GLOD4: variants seen among roughly 807,000 people sequenced by gnomAD.
The protein encoded by GLOD4 is glyoxalase domain-containing protein 4.
In GLOD4, 44 loss-of-function variants were observed where a neutral mutation model predicts 39.1. The observed-to-expected ratio is 1.13, with a 90% CI of 0.88 to 1.45. The LOEUF is 1.45. GLOD4 is among the 40% of genes most tolerant of loss of function. The pLI is 0.00. For missense variants in GLOD4, 405 were observed against 366.4 expected (o/e 1.11, Z -0.86); for synonymous variants, 145 against 135.0 (o/e 1.07, Z -0.52).
intron 5 of GLOD4, 112 bp downstream of exon 5, chr17:771,213 T>G (rs1907895337): frequency 3.0e-6 from 2 of 656,614 alleles, no homozygotes; most frequent in Non-Finnish European, 2.6e-6. Context: ...GTGAAGAAAC[T>G]ATGGGAACAA....
At chr17:777,044 C>A in intron 2 of GLOD4, 56 bp from the exon 3 acceptor site, 1 of 1,578,788 alleles carries the variant, frequency 6.3e-7, no homozygotes, top group Non-Finnish European at 8.7e-7. Flanking sequence ...CCTCAGGCCA[C>A]CCCCAGAGAA....
chr17:770,076 C>T lies in GLOD4; in HGVS notation c.712G>A (p.Ala238Thr). Reference protein sequence around the residue: ...PLVSLDTPGKATVQVVILADP... With the variant: ...PLVSLDTPGKTTVQVVILADP... ...GCCAGAATGACCACCTGTACTGTTG[C>T]TTTCCCTGGGGTGTCCAGGCTCACC... Residue 238 changes from alanine to threonine, a missense_variant, in exon 7 of 9, where the codon GCA becomes ACA. Physicochemically the swap from Ala to Thr is moderately conservative, Grantham distance 58. Transcript: ENST00000301329. 6.2e-7 allele frequency: 1 copy of T among 1,612,002 alleles called. No individual in the cohort carries two copies. Among genetic ancestry groups the T allele is most frequent in the Non-Finnish European group, 8.5e-7 (1 of 1,178,108 alleles).
intron 1 of GLOD4, among the ~76,000 whole-genome samples, chr17:779,475 T>C (rs1909507743): frequency 6.8e-6 from 1 of 147,436 alleles, no homozygotes; most frequent in Non-Finnish European, 1.5e-5. Flanking sequence ...ACTAAAAATA[T>C]AAAAAATACA....
Position 760,158 on chromosome 17 carries a change from G to A in GLOD4, c.*15C>T. ...GGCAGGAATCACAGAGGCTTGCTCT[G>A]CATCATGTCTTCCGTTAACCTGAAG... On this transcript the variant is annotated 3_prime_UTR_variant, in exon 9 of 9. Coordinates refer to ENST00000301329, the MANE Select transcript of GLOD4 (RefSeq NM_016080.4). 1 of 1,514,188 alleles carries A rather than the reference G, an allele frequency of 6.6e-7. No homozygotes were observed. Among genetic ancestry groups the A allele is most frequent in the Non-Finnish European group, 9.2e-7 (1 of 1,088,846 alleles). 93.8% of individuals were successfully genotyped at this position (1,514,188 alleles called of 1,614,324 possible). A position where few individuals can be genotyped will look rare whatever the true frequency, so the allele number is the denominator to read the frequency against.
At chr17:782,633 C>T, upstream of GLOD4, 2 of 1,613,774 alleles carry the variant, frequency 1.2e-6, no homozygotes, top group Non-Finnish European at 1.7e-6. Context: ...GCGCTCCCAG[C>T]ACCTGGGAAG....
rs150838091 is a variant in GLOD4 at position 782,219 on chromosome 17, C to G, written c.37G>C (p.Val13Leu). ...ARRALHFVFK[V>L]GNRFQTARFY... is the part of the protein sequence containing the mutation. ...CGCGCCGTCTGGAAGCGGTTTCCCA[C>G]TTTGAATACGAAGTGCAGAGCTCTG... The change falls in exon 1 of 9, where the codon GTG (valine) becomes CTG (leucine). Residue 13 changes from valine (V) to leucine (L), a missense_variant. Transcript: ENST00000301329. 2.7e-5 allele frequency: 44 copies of G among 1,613,478 alleles called. No homozygotes were observed. In the African/African-American group the frequency reaches 5.2e-4, roughly 19 times the overall value.
At position 760,093 on chromosome 17, in the gene GLOD4, C is replaced by G. The variant is rs1004307021; in HGVS notation, c.*80G>C. 2 of 819,160 alleles carry G rather than the reference C, an allele frequency of 2.4e-6. No homozygotes were observed. The highest frequency in any genetic ancestry group is 4.3e-6 in the Non-Finnish European group (2 of 461,302). The allele number at this position is 819,160 out of a possible 1,614,324, so 50.7% of individuals were successfully genotyped here. On this transcript the variant is annotated 3_prime_UTR_variant, in exon 9 of 9. Coordinates refer to ENST00000301329, the MANE Select transcript of GLOD4 (RefSeq NM_016080.4). ...CTGTACGGGAAACAAATCAGAAGAGCATTTATTGGGAACTGACACGTCAGG... is the reference window on the plus strand; with the variant it reads ...CTGTACGGGAAACAAATCAGAAGAGGATTTATTGGGAACTGACACGTCAGG...
At chr17:764,814 C>T (rs943063031) in intron 8 of GLOD4, 5 of 137,994 alleles carry the variant, frequency 3.6e-5, no homozygotes, top group East Asian at 6.0e-4. Flanking sequence ...CGAGACCATC[C>T]TGGCTAACAC....
intron 4 of GLOD4, among the ~76,000 whole-genome samples, chr17:772,712 C>G (rs1908182986): frequency 6.6e-6 from 1 of 152,060 alleles, no homozygotes; most frequent in Non-Finnish European, 1.5e-5. Context: ...AAAAAATATT[C>G]AGGCCGGGCG....
upstream of GLOD4, chr17:782,303 C>T: frequency 1.2e-5 from 19 of 1,611,504 alleles, no homozygotes; most frequent in Non-Finnish European, 1.6e-5. Context: ...GCCCAGTCCA[C>T]GAAGGGCGCC....
chr17:780,170 AAAAAAAT>A (rs1232724880), intron 1 of GLOD4, among the ~76,000 whole-genome samples: 7 of 152,126 alleles, frequency 4.6e-5, no homozygotes, highest in South Asian at 2.1e-4. Context: ...TCTCAACATA[AAAAAAAT>A]AAAAAATAAA....
At chr17:770,683 G>C in intron 5 of GLOD4, 176 bp from the exon 6 acceptor site, 1 of 479,136 alleles carries the variant, frequency 2.1e-6, no homozygotes, top group South Asian at 4.0e-5. Flanking sequence ...TAGAAGCACT[G>C]CACGCATCTA....
chr17:785,878 TG>T (rs1266940371), upstream of GLOD4, among the ~76,000 whole-genome samples: 1 of 152,222 alleles, frequency 6.6e-6, no homozygotes, highest in Non-Finnish European at 1.5e-5. Context: ...AAAGCCTACC[TG>T]GTAGGAAGAT....
chr17:772,088 T>C (rs956000739), intron 4 of GLOD4, among the ~76,000 whole-genome samples: 1 of 133,038 alleles, frequency 7.5e-6, no homozygotes. Flanking sequence ...ACTTCAGAGA[T>C]GGAAGCAGGA....
intron 8 of GLOD4, among the ~76,000 whole-genome samples, chr17:763,181 TAAAAAAAA>T (rs61285863): frequency 8.2e-6 from 1 of 121,920 alleles, no homozygotes; most frequent in African/African-American, 3.2e-5. Flanking sequence ...AGACTCCGTC[TAAAAAAAA>T]AAAAAAAAAA....
chr17:759,861 C>T lies in GLOD4; in HGVS notation c.*312G>A, dbSNP rs1303063995. ...AACCCTAACTATCCGCAATCCCAAC[C>T]AAAGTCATGTTCATGCCGCTGTCCT... On this transcript the variant is annotated 3_prime_UTR_variant, in exon 9 of 9. Transcript: ENST00000301329. The T allele has an allele frequency of 3.2e-6, 1 of 307,810 alleles. No homozygotes were observed. The highest frequency in any genetic ancestry group is 2.1e-5 in the African/African-American group (1 of 46,842). 19.1% of individuals were successfully genotyped at this position (307,810 alleles called of 1,614,324 possible).
At chr17:766,148 A>C (rs543252406) in intron 8 of GLOD4, among the ~76,000 whole-genome samples, 1 of 151,986 alleles carries the variant, frequency 6.6e-6, no homozygotes, top group Non-Finnish European at 1.5e-5. Context: ...AAATACAAAA[A>C]TTAGCCAGGC....
At chr17:782,472 G>A, upstream of GLOD4, 2 of 1,613,838 alleles carry the variant, frequency 1.2e-6, no homozygotes, top group Non-Finnish European at 1.7e-6. Flanking sequence ...CTGGGTCCGG[G>A]CGCTGCGGCG....
chr17:784,480 C>G (rs572174543), upstream of GLOD4, among the ~76,000 whole-genome samples: 55 of 151,920 alleles, frequency 3.6e-4, no homozygotes, highest in African/African-American at 1.3e-3. Flanking sequence ...CTCACAGTGG[C>G]CAGCCCATCT....
Sources: gnomAD v4.1 joint callset for allele counts (sites outside exome capture counted in the v4.1 genomes callset) on GRCh38, gnomAD v4.1.1 for gene constraint, MANE v1.5 for transcripts, NCBI Gene and HGNC (gene_info 2026-07-23, HGNC 2026-07-21) for gene names.